The following OSBPL5 variants were observed in gnomAD, a reference collection of about 807,000 sequenced individuals.
OSBPL5 encodes the protein oxysterol-binding protein-related protein 5.
In OSBPL5, 71 loss-of-function variants were observed where a neutral mutation model predicts 111.2. That is an observed-to-expected ratio of 0.64 (90% CI 0.53 to 0.78). The LOEUF is 0.78. Among genes scored for constraint, OSBPL5 ranks in the 30% least tolerant of loss-of-function variants. The pLI, the probability that OSBPL5 is intolerant of heterozygous loss-of-function variation, is 0.00. For missense variants in OSBPL5, 1,210 were observed against 1,189.3 expected, an observed-to-expected ratio of 1.02 and a Z score of -0.26; for synonymous variants, 549 against 513.9, an observed-to-expected ratio of 1.07 and a Z score of -0.93.
At position 3,121,337 on chromosome 11, in the gene OSBPL5, T is replaced by G. The variant is rs376258680; in HGVS notation, c.402+660A>C. On this transcript the variant is annotated intron_variant, in intron 5 of 21. Coordinates refer to ENST00000263650, the MANE Select transcript of OSBPL5 (RefSeq NM_020896.4). The surrounding 1 kb of genome is among the most constrained non-coding windows in gnomAD (Gnocchi z 4.3). ...CCTCCCAAAGTGTTGGGATTACAGG[T>G]GTGAGCCACTGCACCCGGCCTGGCA... Among the ~76,000 whole-genome samples the G allele has an allele frequency of 6.6e-6, 1 of 152,132 alleles. No individual in the cohort carries two copies. The highest frequency in any genetic ancestry group is 1.5e-5 in the Non-Finnish European group (1 of 68,014).
chr11:3,120,426 C>A lies in OSBPL5; in HGVS notation c.601G>T (p.Val201Leu). Residue 201 changes from valine (V) to leucine (L), a missense_variant, in exon 6 of 22, where the codon GTG becomes TTG. Val to Leu is a conservative substitution (Grantham distance 32, BLOSUM62 1). Coordinates refer to ENST00000263650, the MANE Select transcript of OSBPL5 (RefSeq NM_020896.4). ...FHPLDQSVWA[V>L]KGPKGESVGS... ...ACCCCACCCCTCCGCAGCACCTTCA[C>A]GGCCCAGACGGACTGATCCAGCGGG... The A allele has an allele frequency of 6.2e-7, 1 of 1,612,568 alleles. No homozygotes were observed. Among genetic ancestry groups the A allele is most frequent in the Non-Finnish European group, 8.5e-7 (1 of 1,179,744 alleles).
chr11:3,103,998 C>T (rs1452804173), intron 10 of OSBPL5, among the ~76,000 whole-genome samples, 195 bp downstream of exon 10: 8 of 152,114 alleles, frequency 5.3e-5, no homozygotes, highest in Non-Finnish European at 8.8e-5. Context: ...CCTCTCACCA[C>T]GGATGGCTGG....
At chr11:3,139,527 A>G (rs1439274153) in intron 1 of OSBPL5, among the ~76,000 whole-genome samples, 1 of 152,180 alleles carries the variant, frequency 6.6e-6, no homozygotes, top group Admixed American at 6.5e-5. Context: ...GGGGAAAGCC[A>G]GTGAGCAGGG....
chr11:3,106,611 C>T lies in OSBPL5; in HGVS notation c.1059+652G>A, dbSNP rs941590252. Among the ~76,000 whole-genome samples the T allele has an allele frequency of 2.6e-5, 4 of 152,234 alleles. No homozygotes were observed. Among genetic ancestry groups the T allele is most frequent in the South Asian group, 2.1e-4 (1 of 4,832 alleles). ...ATGCTCTGGGGACACTGCTGCCCAC[C>T]GCCTGCTGCCTCCCTTGAGCTCGTG... On this transcript the variant is annotated intron_variant, in intron 9 of 21. Transcript: ENST00000263650. The surrounding 1 kb of genome is among the most constrained non-coding windows in gnomAD (Gnocchi z 8.4).
In OSBPL5 at chr11:3,142,713, G is replaced by A. The variant is rs548752026; in HGVS notation, c.-21-13544C>T. Reference sequence around the variant, plus strand: ...GGTGGAGACCTGTCCCTCTGTCTCCGTGTCCGCGGGGCCCGGCAGGAAGTC... The same window carrying A: ...GGTGGAGACCTGTCCCTCTGTCTCCATGTCCGCGGGGCCCGGCAGGAAGTC... On this transcript the variant is annotated intron_variant, in intron 1 of 21. Transcript: ENST00000263650. The surrounding 1 kb of genome is among the most constrained non-coding windows in gnomAD (Gnocchi z 7.1). 5.3e-5 allele frequency among the ~76,000 whole-genome samples: 8 copies of A among 152,194 alleles called. No homozygotes were observed. Among genetic ancestry groups the A allele is most frequent in the East Asian group, 3.9e-4 (2 of 5,162 alleles).
rs1490813561 is a variant in OSBPL5, at chr11:3,130,167, G to A, written c.-21-998C>T. 6.6e-6 allele frequency among the ~76,000 whole-genome samples: 1 copy of A among 152,244 alleles called. No individual in the cohort carries two copies. The highest frequency in any genetic ancestry group is 1.5e-5 in the Non-Finnish European group (1 of 68,042). Reference sequence around the variant, plus strand: ...CCCATTTTACAGATGAGAAAATCATGGCTCAGGGAGTGGAAGGCCTCGACC... The same window carrying A: ...CCCATTTTACAGATGAGAAAATCATAGCTCAGGGAGTGGAAGGCCTCGACC... On this transcript the variant is annotated intron_variant, in intron 1 of 21. Coordinates refer to ENST00000263650, the MANE Select transcript of OSBPL5 (RefSeq NM_020896.4). The surrounding 1 kb of genome is among the most constrained non-coding windows in gnomAD (Gnocchi z 4.5).
In OSBPL5 at chr11:3,089,946, C is replaced by T. The variant is rs758524305; in HGVS notation, c.2401G>A (p.Gly801Ser). The change falls in exon 21 of 22, where the codon GGT (glycine) becomes AGT (serine). Residue 801 changes from glycine (G) to serine (S), a missense_variant and splice_region_variant. Coordinates refer to ENST00000263650, the MANE Select transcript of OSBPL5 (RefSeq NM_020896.4). ...EEQDGDFVPG[G>S]ESPCPRCRKE... is the part of the protein sequence containing the mutation. ...CTGCACCGAGGGCATGGGCTCTCAC[C>T]GCCTGGGACGGCCCCGAGTGAGACA... 4.3e-5 allele frequency: 67 copies of T among 1,542,848 alleles called. 1 individual carries two copies. Among genetic ancestry groups the T allele is most frequent in the African/African-American group, 5.5e-5 (4 of 73,314 alleles).
At chr11:3,103,723 G>GCAGCCCCTTC (rs1564829596) in intron 10 of OSBPL5, among the ~76,000 whole-genome samples, 1,620 of 79,982 alleles carry the variant, frequency 0.02, 118 homozygotes, top group African/African-American at 0.061. Context: ...TCCAGGCTCT[G>GCAGCCCCTTC]CTGCCCCTTC....
chr11:3,091,472 A>G (rs1857052376), intron 19 of OSBPL5, among the ~76,000 whole-genome samples: 1 of 152,090 alleles, frequency 6.6e-6, no homozygotes, highest in African/African-American at 2.4e-5. Context: ...GGCAGGGCCC[A>G]GGCTGACTGA....
chr11:3,100,681 C>T (rs548802129), intron 13 of OSBPL5, among the ~76,000 whole-genome samples: 66 of 152,214 alleles, frequency 4.3e-4, no homozygotes, highest in African/African-American at 1.3e-3. Flanking sequence ...ACCTGAGGGT[C>T]GCACCTGGGA....
chr11:3,157,743 A>G (rs1846824429), intron 1 of OSBPL5, among the ~76,000 whole-genome samples: 1 of 152,304 alleles, frequency 6.6e-6, no homozygotes, highest in African/African-American at 2.4e-5. Context: ...CAGATGAGCG[A>G]GAAACTGGCC....
intron 1 of OSBPL5, among the ~76,000 whole-genome samples, chr11:3,132,009 G>GCATCCATC (rs57904462): frequency 0.37 from 14,826 of 39,854 alleles, 2,930 homozygotes; most frequent in Non-Finnish European, 0.42. Context: ...TCCCTTTCAG[G>GCATCCATC]CATCCATCCA....
In OSBPL5 at chr11:3,121,207, G is replaced by A. The variant is rs970923516; in HGVS notation, c.403-583C>T. On this transcript the variant is annotated intron_variant, in intron 5 of 21. Coordinates refer to ENST00000263650, the MANE Select transcript of OSBPL5 (RefSeq NM_020896.4). The surrounding 1 kb of genome is among the most constrained non-coding windows in gnomAD (Gnocchi z 4.3). The stretch of plus-strand genomic sequence containing the variant: ...CGAGTAGCTGGGATTACAGGCGCCC[G>A]CCACCATGCCTGGCTAATTTCTGTA... Among the ~76,000 whole-genome samples the A allele has an allele frequency of 2.0e-5, 3 of 151,896 alleles. No homozygotes were observed. The highest frequency in any genetic ancestry group is 6.6e-5 in the Admixed American group (1 of 15,246).
chr11:3,129,354 A>C, intron 1 of OSBPL5, 185 bp from the exon 2 acceptor site: 9 of 458,938 alleles, frequency 2.0e-5, no homozygotes, highest in Admixed American at 4.3e-5. Context: ...GCTCAGGCGA[A>C]TGGCTTTGGC....
In OSBPL5 at chr11:3,143,008, AGGGGGGCAGAGGAGGCAGGTGCGGG is replaced by A. The variant is rs1564857192; in HGVS notation, c.-21-13864_-21-13840del. Among the ~76,000 whole-genome samples the A allele has an allele frequency of 6.1e-3, 334 of 55,116 alleles. 19 individuals are homozygous for A. Among genetic ancestry groups the A allele is most frequent in the Non-Finnish European group, 7.9e-3 (224 of 28,262 alleles). 36.2% of individuals were successfully genotyped at this position (55,116 alleles called of 152,430 possible). A position where few individuals can be genotyped will look rare whatever the true frequency, so the allele number is the denominator to read the frequency against. On this transcript the variant is annotated intron_variant, in intron 1 of 21. Coordinates refer to ENST00000263650, the MANE Select transcript of OSBPL5 (RefSeq NM_020896.4). ...AGCAGGGCAGAGGAGGCAGGTGCAGAGGGGGGCAGAGGAGGCAGGTGCGGGGGGGGGCAGAGGAGGCAGGTGCGGA... is the reference window on the plus strand; with the variant it reads ...AGCAGGGCAGAGGAGGCAGGTGCAGAGGGGGGCAGAGGAGGCAGGTGCGGA...
intron 3 of OSBPL5, among the ~76,000 whole-genome samples, chr11:3,124,991 A>G (rs934342048): frequency 2.6e-5 from 4 of 152,224 alleles, no homozygotes; most frequent in Non-Finnish European, 5.9e-5. Flanking sequence ...CCAACTGGGC[A>G]GGACCCTTGG....
chr11:3,096,675 T>TATAAA (rs988487977), intron 14 of OSBPL5, among the ~76,000 whole-genome samples: 7 of 151,248 alleles, frequency 4.6e-5, no homozygotes, highest in African/African-American at 4.9e-5. Context: ...ACTTTAGTGA[T>TATAAA]ATAAAATAAA....
chr11:3,145,278 G>A (rs117655209), intron 1 of OSBPL5, among the ~76,000 whole-genome samples: 2,569 of 152,148 alleles, frequency 0.017, 34 homozygotes, highest in Non-Finnish European at 0.024. Context: ...TCCAGCCTCC[G>A]GATGAAGCCT....
chr11:3,118,294 G>A (rs537131778), intron 7 of OSBPL5, among the ~76,000 whole-genome samples: 28 of 152,312 alleles, frequency 1.8e-4, no homozygotes, highest in African/African-American at 6.5e-4. Flanking sequence ...TGAGATAAAT[G>A]CAGATCTGAT....
Sources: allele counts gnomAD v4.1 joint callset (sites outside exome capture counted in the v4.1 genomes callset), GRCh38; gene constraint gnomAD v4.1.1; non-coding constraint Gnocchi (gnomAD v3.1); transcripts MANE v1.5; gene names NCBI Gene and HGNC (gene_info 2026-07-23, HGNC 2026-07-21).